Variants in LARGE1 observed in about 807,000 individuals in gnomAD.
The protein encoded by LARGE1 is LARGE xylosyl- and glucuronyltransferase 1.
Under a neutral mutation model 87.6 loss-of-function variants are expected in LARGE1, and 43 were observed. The observed-to-expected ratio is 0.49, with a 90% CI of 0.38 to 0.63. The LOEUF (loss-of-function observed/expected upper bound fraction) is 0.63, where lower values mean the gene tolerates loss of function less well. LARGE1 is among the 30% of genes least tolerant of loss of function. LARGE1 has a pLI of 0.00. For synonymous variants in LARGE1, 434 were observed against 394.6 expected (o/e 1.10, Z -1.18); for missense variants, 802 against 1,000.2 (o/e 0.80, Z 2.67).
chr22:33,763,598 G>A (rs1158479974), intron 1 of LARGE1, among the ~76,000 whole-genome samples: 1 of 152,166 alleles, frequency 6.6e-6, no homozygotes, highest in Non-Finnish European at 1.5e-5. Context: ...TGCAGTTAGA[G>A]AGATGTGGGT....
the LARGE1 span, among the ~76,000 whole-genome samples, chr22:33,104,895 CTTTCTTTCTTTCTTTCTT>C: frequency 2.0e-3 from 115 of 56,480 alleles, no homozygotes; most frequent in East Asian, 0.016. Flanking sequence ...CTCTCTCTTT[CTTTCTTTCTTTCTTTCTT>C]TCTTTCTTTC....
chr22:33,714,933 T>G (rs1308274607), intron 2 of LARGE1, among the ~76,000 whole-genome samples: 1 of 152,154 alleles, frequency 6.6e-6, no homozygotes, highest in African/African-American at 2.4e-5. Flanking sequence ...TCTCATATCC[T>G]TTGGAGGCAT....
chr22:33,530,719 A>G (rs1216316936), intron 6 of LARGE1, among the ~76,000 whole-genome samples: 1 of 152,196 alleles, frequency 6.6e-6, no homozygotes, highest in Non-Finnish European at 1.5e-5. Flanking sequence ...CAGTCCCTGC[A>G]GAGCCTGAGT....
the LARGE1 span, among the ~76,000 whole-genome samples, chr22:33,068,624 C>G: frequency 5.3e-5 from 8 of 151,980 alleles, no homozygotes; most frequent in African/African-American, 1.9e-4. Flanking sequence ...CAGCCTGGGC[C>G]ACAGAGCAAG....
At chr22:33,813,836 T>C (rs2086572806) in intron 1 of LARGE1, among the ~76,000 whole-genome samples, 1 of 152,074 alleles carries the variant, frequency 6.6e-6, no homozygotes, top group Admixed American at 6.6e-5. Context: ...TAGGAAAATC[T>C]CCACATAAGA....
chr22:33,071,959 C>T, the LARGE1 span, among the ~76,000 whole-genome samples: 5 of 152,154 alleles, frequency 3.3e-5, no homozygotes, highest in African/African-American at 1.2e-4. Context: ...ACTACCCGGC[C>T]GTTTCTGATC....
At chr22:33,451,386 G>C (rs1287548109) in intron 6 of LARGE1, among the ~76,000 whole-genome samples, 1 of 139,406 alleles carries the variant, frequency 7.2e-6, no homozygotes, top group Non-Finnish European at 1.6e-5. Flanking sequence ...TAGCTTTTTG[G>C]GGAACAGGTG....
intron 9 of LARGE1, among the ~76,000 whole-genome samples, chr22:33,345,601 A>G (rs752259596): frequency 4.6e-5 from 7 of 152,244 alleles, no homozygotes; most frequent in Non-Finnish European, 1.0e-4. Flanking sequence ...TGAAATGCCT[A>G]TAAAGGCTGA....
intron 1 of LARGE1, among the ~76,000 whole-genome samples, chr22:33,885,213 G>A (rs2064811336): frequency 1.4e-5 from 1 of 73,302 alleles, no homozygotes; most frequent in African/African-American, 4.3e-5. Flanking sequence ...GCGATACCAT[G>A]CTTCCTATAC....
intron 11 of LARGE1, among the ~76,000 whole-genome samples, chr22:33,259,172 C>A (rs1927483635): frequency 6.6e-6 from 1 of 152,184 alleles, no homozygotes; most frequent in African/African-American, 2.4e-5. Context: ...GCCACTACAC[C>A]CGGCCAACTT....
intron 5 of LARGE1, among the ~76,000 whole-genome samples, chr22:33,589,235 C>T (rs1052836436): frequency 4.6e-5 from 7 of 152,204 alleles, no homozygotes; most frequent in Admixed American, 2.6e-4. Context: ...CAGGTTCCTC[C>T]TCTGTAAAAG....
At chr22:33,714,014 A>AACATG (rs1157345914) in intron 2 of LARGE1, among the ~76,000 whole-genome samples, 1 of 151,856 alleles carries the variant, frequency 6.6e-6, no homozygotes, top group Non-Finnish European at 1.5e-5. Flanking sequence ...AACATAACAT[A>AACATG]ACATAACATA....
chr22:33,476,332 G>A lies in LARGE1; in HGVS notation c.788-44067C>T, dbSNP rs190780621. On this transcript the variant is annotated intron_variant, in intron 6 of 14. Transcript: ENST00000397394. ...TCCACCACTCTTCTCACTGTAAATT[G>A]TGTGTTCAGTGAATGGATGATCAAA... is the stretch of plus-strand genomic sequence containing the variant. Among the ~76,000 whole-genome samples the A allele has an allele frequency of 5.9e-5, 9 of 152,330 alleles. No individual in the cohort carries two copies. The East Asian group carries it at 9.6e-4, about 16-fold the overall frequency.
intron 11 of LARGE1, among the ~76,000 whole-genome samples, chr22:33,313,319 C>G (rs543350895): frequency 2.0e-5 from 3 of 152,288 alleles, no homozygotes; most frequent in Admixed American, 2.0e-4. Context: ...ACTACCTCCC[C>G]TCGGACACAT....
intron 2 of LARGE1, among the ~76,000 whole-genome samples, chr22:33,751,436 G>C (rs1200511352): frequency 3.3e-5 from 5 of 151,162 alleles, no homozygotes; most frequent in Admixed American, 2.0e-4. Flanking sequence ...AGTGAGCAAA[G>C]ATTGTGCCAC....
At chr22:33,857,395 C>T (rs189600799) in intron 1 of LARGE1, among the ~76,000 whole-genome samples, 130 of 152,286 alleles carry the variant, frequency 8.5e-4, no homozygotes, top group African/African-American at 2.9e-3. Flanking sequence ...ATAAATACTC[C>T]CACTGGACAG....
chr22:33,531,320 G>T (rs1053789076), intron 6 of LARGE1, among the ~76,000 whole-genome samples: 1 of 143,516 alleles, frequency 7.0e-6, no homozygotes, highest in African/African-American at 2.6e-5. Context: ...ACCATGCCCA[G>T]CTAATTTTTG....
intron 12 of LARGE1, among the ~76,000 whole-genome samples, chr22:33,284,599 A>G (rs1931150390): frequency 6.6e-6 from 1 of 150,810 alleles, no homozygotes; most frequent in Non-Finnish European, 1.5e-5. Flanking sequence ...TTTTTTGGAG[A>G]TGGAGTCTTG....
intron 2 of LARGE1, among the ~76,000 whole-genome samples, chr22:33,653,790 G>A (rs11914217): frequency 3.3e-5 from 5 of 152,138 alleles, no homozygotes; most frequent in Admixed American, 3.3e-4. Context: ...GAGTTGTTCT[G>A]TGTGTTGTAT....
Sources: allele counts gnomAD v4.1 joint callset (sites outside exome capture counted in the v4.1 genomes callset), GRCh38; gene constraint gnomAD v4.1.1; transcripts MANE v1.5; gene names NCBI Gene and HGNC (gene_info 2026-07-23, HGNC 2026-07-21).